The following CDH18 variants were observed in gnomAD, a reference collection of about 807,000 sequenced individuals.
CDH18 encodes the protein cadherin-18.
CDH18 carries 31 observed loss-of-function variants against 67.9 expected under a neutral mutation model. That is an observed-to-expected ratio of 0.46 (90% CI 0.34 to 0.62). CDH18 has a LOEUF of 0.62. Among genes scored for constraint, CDH18 ranks in the 20% least tolerant of loss-of-function variants. CDH18 has a pLI of 0.01. For synonymous variants in CDH18, 362 were observed against 347.2 expected, an observed-to-expected ratio of 1.04 and a Z score of -0.48; for missense variants, 890 against 975.5, an observed-to-expected ratio of 0.91 and a Z score of 1.17.
intron 1 of CDH18, among the ~76,000 whole-genome samples, chr5:20,322,796 T>C (rs982859307): frequency 6.6e-6 from 1 of 152,092 alleles, no homozygotes; most frequent in Non-Finnish European, 1.5e-5. Context: ...TAGTGACACT[T>C]TGAAATTATT....
intron 4 of CDH18, among the ~76,000 whole-genome samples, chr5:19,733,253 T>C (rs376830504): frequency 2.0e-5 from 3 of 152,200 alleles, no homozygotes; most frequent in African/African-American, 7.2e-5. Flanking sequence ...TTTCCTTTGA[T>C]TGAGCTTCAC....
intron 1 of CDH18, among the ~76,000 whole-genome samples, chr5:20,518,446 T>C (rs1049254211): frequency 3.3e-5 from 5 of 152,110 alleles, no homozygotes; most frequent in Non-Finnish European, 5.9e-5. Context: ...TGGGCTCCCT[T>C]TTTGGTTCCT....
chr5:20,366,214 C>A (rs1237703884), intron 1 of CDH18, among the ~76,000 whole-genome samples: 2 of 152,128 alleles, frequency 1.3e-5, no homozygotes, highest in African/African-American at 4.8e-5. Flanking sequence ...TCCTTTATCT[C>A]CAGTGCTCCC....
intron 1 of CDH18, among the ~76,000 whole-genome samples, chr5:20,407,335 G>T (rs2150138100): frequency 6.6e-6 from 1 of 152,090 alleles, no homozygotes; most frequent in East Asian, 1.9e-4. Context: ...GACACCTAGG[G>T]GCCACTAAGA....
At chr5:19,968,279 T>C (rs865991505) in intron 2 of CDH18, among the ~76,000 whole-genome samples, 4 of 152,156 alleles carry the variant, frequency 2.6e-5, no homozygotes, top group South Asian at 2.1e-4. Context: ...AGGTAATTTA[T>C]AGATTCAATG....
chr5:19,725,281 A>G (rs1766682928), intron 4 of CDH18, among the ~76,000 whole-genome samples: 1 of 152,030 alleles, frequency 6.6e-6, no homozygotes, highest in Non-Finnish European at 1.5e-5. Flanking sequence ...CCGATATTCA[A>G]GCCTCCAACT....
At chr5:20,149,840 C>A (rs1286045471) in intron 2 of CDH18, among the ~76,000 whole-genome samples, 11 of 151,632 alleles carry the variant, frequency 7.3e-5, no homozygotes, top group African/African-American at 1.2e-4. Context: ...TTGCAAAAAT[C>A]AAAAAATGTA....
At chr5:19,785,871 T>C (rs2149797056) in intron 3 of CDH18, among the ~76,000 whole-genome samples, 2 of 150,972 alleles carry the variant, frequency 1.3e-5, no homozygotes, top group Non-Finnish European at 1.5e-5. Flanking sequence ...ATGGTAGTTA[T>C]TGTTAAAATC....
At chr5:20,051,504 T>C (rs1741413955) in intron 2 of CDH18, among the ~76,000 whole-genome samples, 1 of 152,034 alleles carries the variant, frequency 6.6e-6, no homozygotes, top group African/African-American at 2.4e-5. Flanking sequence ...AGTTCTTATG[T>C]ATTTTCATGG....
chr5:20,276,389 C>T (rs1745814543), intron 1 of CDH18, among the ~76,000 whole-genome samples: 1 of 152,172 alleles, frequency 6.6e-6, no homozygotes. Flanking sequence ...CCTGAGGCCC[C>T]CATTCCAGGC....
At chr5:20,332,797 G>A (rs942212513) in intron 1 of CDH18, among the ~76,000 whole-genome samples, 3 of 152,012 alleles carry the variant, frequency 2.0e-5, no homozygotes, top group Non-Finnish European at 2.9e-5. Context: ...TCAGGGTTAC[G>A]GGTGGCTGAA....
intron 2 of CDH18, among the ~76,000 whole-genome samples, chr5:19,973,422 T>C (rs977128675): frequency 6.6e-6 from 1 of 152,112 alleles, no homozygotes; most frequent in South Asian, 2.1e-4. Flanking sequence ...TACTTCAAAT[T>C]TATTTTCTGA....
chr5:20,556,721 AT>A (rs1263228460), intron 1 of CDH18, among the ~76,000 whole-genome samples: 2 of 152,140 alleles, frequency 1.3e-5, no homozygotes, highest in African/African-American at 4.8e-5. Flanking sequence ...TTTGGTGACT[AT>A]TTTTTTAGCT....
intron 5 of CDH18, among the ~76,000 whole-genome samples, chr5:19,663,495 G>A (rs1351805101): frequency 1.3e-5 from 2 of 151,840 alleles, no homozygotes; most frequent in African/African-American, 4.8e-5. Context: ...AAGACCTGAA[G>A]GCAATTTTAA....
upstream of CDH18, among the ~76,000 whole-genome samples, chr5:19,991,003 A>G (rs1799951785): frequency 1.3e-5 from 2 of 152,290 alleles, no homozygotes; most frequent in South Asian, 4.1e-4. Context: ...TTACCTTGGG[A>G]GAGTTATTAG....
intron 2 of CDH18, among the ~76,000 whole-genome samples, chr5:20,203,537 C>G (rs867583287): frequency 2.1e-4 from 32 of 149,726 alleles, no homozygotes; most frequent in Non-Finnish European, 1.3e-4. Flanking sequence ...GGGCTTGAAG[C>G]ACCACTGAGT....
chr5:20,055,945 C>T (rs1225300380), intron 2 of CDH18, among the ~76,000 whole-genome samples: 5 of 140,764 alleles, frequency 3.6e-5, no homozygotes, highest in African/African-American at 1.3e-4. Context: ...TTATATAGGG[C>T]TTGCATCCAC....
intron 1 of CDH18, among the ~76,000 whole-genome samples, chr5:20,451,575 A>G (rs529082723): frequency 1.1e-3 from 170 of 152,312 alleles, no homozygotes; most frequent in African/African-American, 4.0e-3. Context: ...GAAATGTTTA[A>G]TATCTTGGCC....
chr5:20,541,903 T>C (rs1230220941), intron 1 of CDH18, among the ~76,000 whole-genome samples: 1 of 152,206 alleles, frequency 6.6e-6, no homozygotes, highest in African/African-American at 2.4e-5. Flanking sequence ...TAGCTTTACA[T>C]CCCTGACGAG....
Sources: gnomAD v4.1 joint callset for allele counts (sites outside exome capture counted in the v4.1 genomes callset) on GRCh38, gnomAD v4.1.1 for gene constraint, MANE v1.5 for transcripts, NCBI Gene and HGNC (gene_info 2026-07-23, HGNC 2026-07-21) for gene names.